The following TYMS variants were observed in gnomAD, a reference collection of about 807,000 sequenced individuals.
TYMS encodes the protein thymidylate synthase.
A neutral mutation model predicts 39.3 loss-of-function variants in TYMS; 21 were observed. The ratio of observed to expected loss-of-function variants is 0.54; its 90% CI spans 0.38 to 0.77. The LOEUF is 0.77. TYMS is among the 30% of genes least tolerant of loss of function. The probability of loss-of-function intolerance (pLI) is 0.00; values close to 1 mark genes in which losing one functional copy is unlikely to be tolerated. For synonymous variants in TYMS, 171 were observed against 162.2 expected (o/e 1.05, Z -0.41); for missense variants, 273 against 406.7 (o/e 0.67, Z 2.83).
chr18:671,624 C>T (rs2075054028), intron 6 of TYMS, 173 bp downstream of exon 6: 1 of 633,846 alleles, frequency 1.6e-6, no homozygotes, highest in Non-Finnish European at 2.8e-6. Context: ...CAGGCATCTG[C>T]CTCAGCAACC....
chr18:666,908 GT>G (rs1414261089), intron 3 of TYMS, among the ~76,000 whole-genome samples: 3 of 65,432 alleles, frequency 4.6e-5, no homozygotes, highest in Admixed American at 2.1e-4. Flanking sequence ...GATGGAGATG[GT>G]GATGGTGATG....
At position 667,559 on chromosome 18, in the gene TYMS, T is replaced by A. The variant is rs74923550; in HGVS notation, c.455-1513T>A. ...GTGATGGTGATGGTGATGGAGATGG[T>A]GATGGTGATGGAGATGGTGATGGTG... On this transcript the variant is annotated intron_variant, in intron 3 of 6. Transcript: ENST00000323274. 1.1e-3 allele frequency among the ~76,000 whole-genome samples: 70 copies of A among 66,148 alleles called. 3 individuals carry two copies. The highest frequency in any genetic ancestry group is 2.0e-3 in the East Asian group (4 of 1,956). 43.4% of individuals were successfully genotyped at this position (66,148 alleles called of 152,430 possible).
intron 3 of TYMS, 78 bp from the exon 4 acceptor site, chr18:668,994 A>C: frequency 4.1e-6 from 5 of 1,211,956 alleles, no homozygotes; most frequent in Non-Finnish European, 6.0e-6. Flanking sequence ...AGAGACTGTA[A>C]TAGATGACCT....
intron 1 of TYMS, among the ~76,000 whole-genome samples, chr18:659,310 C>T (rs2074731596): frequency 6.6e-6 from 1 of 152,128 alleles, no homozygotes. Context: ...TGTCTTCACA[C>T]CTTTGTGACA....
At chr18:672,648 C>G in intron 6 of TYMS, 1 of 415,096 alleles carries the variant, frequency 2.4e-6, no homozygotes, top group East Asian at 3.5e-5. Flanking sequence ...TGTGTAATGT[C>G]ACAAAATACC....
chr18:672,205 C>T (rs2075093717), intron 6 of TYMS: 1 of 152,264 alleles, frequency 6.6e-6, no homozygotes, highest in South Asian at 2.1e-4. Context: ...GTAAGTTCAT[C>T]TGCTTCATGA....
At position 673,566 on chromosome 18, in the gene TYMS, C is replaced by CA; in HGVS notation, c.*569_*570insA. 1 of 182,618 alleles carries CA rather than the reference C, an allele frequency of 5.5e-6. No homozygotes were observed. The highest frequency in any genetic ancestry group is 1.2e-5 in the Non-Finnish European group (1 of 86,180). 11.3% of individuals were successfully genotyped at this position (182,618 alleles called of 1,614,324 possible). A position where few individuals can be genotyped will look rare whatever the true frequency, so the allele number is the denominator to read the frequency against. ...CCTTCCTAAAATAGATTAAAGAACT[C>CA]TCCTTAAGTAAACATGTGCTGTATT... On this transcript the variant is annotated 3_prime_UTR_variant, in exon 7 of 7. Transcript: ENST00000323274.
At chr18:668,685 C>T (rs948638133) in intron 3 of TYMS, among the ~76,000 whole-genome samples, 1 of 152,170 alleles carries the variant, frequency 6.6e-6, no homozygotes, top group Non-Finnish European at 1.5e-5. Context: ...TAGATTTTGT[C>T]AGTGAAATTG....
chr18:666,969 TGATGGA>T lies in TYMS; in HGVS notation c.455-2091_455-2086del, dbSNP rs1266837279. ...GTGATGGTGATGGAGATGGAGATGGTGATGGAGATGGAGATGGTGATGGTGATGGAG... is the reference window on the plus strand; with the variant it reads ...GTGATGGTGATGGAGATGGAGATGGTGATGGAGATGGTGATGGTGATGGAG... On this transcript the variant is annotated intron_variant, in intron 3 of 6. Transcript: ENST00000323274. Among the ~76,000 whole-genome samples the T allele has an allele frequency of 6.7e-3, 93 of 13,954 alleles. 12 individuals are homozygous for T. The highest frequency in any genetic ancestry group is 0.025 in the South Asian group (7 of 282). The allele number at this position is 13,954 out of a possible 152,430, so 9.2% of individuals were successfully genotyped here. A position where few individuals can be genotyped will look rare whatever the true frequency, so the allele number is the denominator to read the frequency against.
chr18:666,384 T>A (rs910878906), intron 3 of TYMS, among the ~76,000 whole-genome samples: 1 of 152,092 alleles, frequency 6.6e-6, no homozygotes, highest in African/African-American at 2.4e-5. Flanking sequence ...AGGGTCACAC[T>A]CCACTCCCAG....
At position 667,992 on chromosome 18, in the gene TYMS, A is replaced by ATTTTTTTTTTTTTTTTTT. The variant is rs60409589; in HGVS notation, c.455-1078_455-1061dup. Among the ~76,000 whole-genome samples the ATTTTTTTTTTTTTTTTTT allele has an allele frequency of 8.3e-4, 87 of 105,338 alleles. 8 individuals carry two copies. The highest frequency in any genetic ancestry group is 3.0e-3 in the African/African-American group (65 of 21,842). 69.1% of individuals were successfully genotyped at this position (105,338 alleles called of 152,430 possible). The stretch of plus-strand genomic sequence containing the variant: ...AATTTTGTTTTACAGATTCACAGGA[A>ATTTTTTTTTTTTTTTTTT]TTTTTTTTTTTTTTTTTTTAATGCA... On this transcript the variant is annotated intron_variant, in intron 3 of 6. Transcript: ENST00000323274.
intron 2 of TYMS, among the ~76,000 whole-genome samples, chr18:661,685 AC>A (rs1387633576): frequency 6.6e-6 from 1 of 152,238 alleles, no homozygotes; most frequent in African/African-American, 2.4e-5. Flanking sequence ...GGACCAGCCT[AC>A]TTAAAGATAG....
chr18:666,939 A>AGATGGAGATGGT (rs2074835776), intron 3 of TYMS, among the ~76,000 whole-genome samples: 1 of 28,110 alleles, frequency 3.6e-5, no homozygotes, highest in African/African-American at 1.7e-4. Context: ...ATGGTGATGG[A>AGATGGAGATGGT]GATGGTGATG....
At position 658,100 on chromosome 18, in the gene TYMS, C is replaced by T; in HGVS notation, c.205+153C>T. 1 of 1,585,466 alleles carries T rather than the reference C, an allele frequency of 6.3e-7. No homozygotes were observed. ...CGCATCGTCCTCCTCGCCTTACAGA[C>T]GCCGAAACGGAGGGTCCCATTAGGG... On this transcript the variant is annotated intron_variant, in intron 1 of 6. Transcript: ENST00000323274. The surrounding 1 kb of genome is among the most constrained non-coding windows in gnomAD (Gnocchi z 4.5).
At chr18:669,015 C>G in intron 3 of TYMS, 57 bp from the exon 4 acceptor site, 1 of 1,458,734 alleles carries the variant, frequency 6.9e-7, no homozygotes, top group Admixed American at 1.7e-5. Flanking sequence ...CTAAGGCCAT[C>G]TCATGACATG....
rs779438042 is a variant in TYMS at position 658,112 on chromosome 18, GGGTCCCATTAGGGACGTGACT to G, written c.205+168_205+188del. The G allele has an allele frequency of 6.3e-7, 1 of 1,587,832 alleles. No homozygotes were observed. The highest frequency in any genetic ancestry group is 8.5e-7 in the Non-Finnish European group (1 of 1,170,744). ...CTCGCCTTACAGACGCCGAAACGGA[GGGTCCCATTAGGGACGTGACT>G]GGCGCGGGCAACACACACAGCAGCG... is the stretch of plus-strand genomic sequence containing the variant. On this transcript the variant is annotated intron_variant, in intron 1 of 6. Coordinates refer to ENST00000323274, the MANE Select transcript of TYMS (RefSeq NM_001071.4). The surrounding 1 kb of genome is among the most constrained non-coding windows in gnomAD (Gnocchi z 4.5).
In TYMS at chr18:657,871, C is replaced by A; in HGVS notation, c.129C>A (p.Cys43Ter). The stretch of plus-strand genomic sequence containing the variant: ...GGCAGATCCAACACATCCTCCGCTG[C>A]GGCGTCAGGAAGGACGACCGCACGG... ...YLGQIQHILR[C>*]GVRKDDRTGT... The change falls in exon 1 of 7, where the codon TGC becomes TGA. Residue 43 changes from cysteine (C) to a stop codon, truncating the protein, a stop_gained. Transcript: ENST00000323274. LOFTEE classifies it high-confidence loss of function. 6.6e-7 allele frequency: 1 copy of A among 1,508,720 alleles called. No homozygotes were observed. The allele number at this position is 1,508,720 out of a possible 1,614,324, so 93.5% of individuals were successfully genotyped here.
At chr18:669,026 T>G in intron 3 of TYMS, 46 bp from the exon 4 acceptor site, 1 of 1,505,332 alleles carries the variant, frequency 6.6e-7, no homozygotes, top group Non-Finnish European at 9.2e-7. Flanking sequence ...TCATGACATG[T>G]GTGATTAATG....
rs2074736741 is a variant in TYMS at position 659,683 on chromosome 18, G to C, written c.248G>C (p.Gly83Ala). ...ACAACCAAACGTGTGTTCTGGAAGG[G>C]TGTTTTGGAGGAGTTGCTGTGGTTT... is the stretch of plus-strand genomic sequence containing the variant. ...LLTTKRVFWKGVLEELLWFIK... is the reference protein window; with the variant it reads ...LLTTKRVFWKAVLEELLWFIK... The change falls in exon 2 of 7, where the codon GGT becomes GCT. Residue 83 changes from glycine to alanine, a missense_variant. This residue lies in a region of TYMS where 228 missense variants were observed against 326.1 expected (regional missense o/e 0.70). Coordinates refer to ENST00000323274, the MANE Select transcript of TYMS (RefSeq NM_001071.4). 1 of 1,614,102 alleles carries C rather than the reference G, an allele frequency of 6.2e-7. No homozygotes were observed. Among genetic ancestry groups the C allele is most frequent in the Non-Finnish European group, 8.5e-7 (1 of 1,180,036 alleles).
Sources: gnomAD v4.1 joint callset for allele counts (sites outside exome capture counted in the v4.1 genomes callset) on GRCh38, gnomAD v4.1.1 for gene constraint, gnomAD v4.1.1 regional missense constraint, Gnocchi (gnomAD v3.1) non-coding constraint, MANE v1.5 for transcripts, NCBI Gene and HGNC (gene_info 2026-07-23, HGNC 2026-07-21) for gene names.